Variants in ACSL1 observed in about 807,000 individuals in gnomAD.
ACSL1 encodes long-chain-fatty-acid--CoA ligase 1.
ACSL1 carries 41 observed loss-of-function variants against 98.4 expected under a neutral mutation model. The ratio of observed to expected loss-of-function variants is 0.42; its 90% CI spans 0.32 to 0.54. ACSL1 has a LOEUF of 0.54. Among genes scored for constraint, ACSL1 ranks in the 20% least tolerant of loss-of-function variants. ACSL1 has a pLI of 0.13. For missense variants in ACSL1, 734 were observed against 883.1 expected (o/e 0.83, Z 2.14); for synonymous variants, 316 against 322.7 (o/e 0.98, Z 0.22).
chr4:184,772,127 C>A (rs1764603931), intron 10 of ACSL1, among the ~76,000 whole-genome samples: 2 of 152,162 alleles, frequency 1.3e-5, no homozygotes, highest in Non-Finnish European at 2.9e-5. Flanking sequence ...CTCAATGAGC[C>A]ACCAATGCAT....
intron 3 of ACSL1, among the ~76,000 whole-genome samples, chr4:184,785,836 T>C (rs1203870638): frequency 6.6e-6 from 1 of 152,236 alleles, no homozygotes; most frequent in African/African-American, 2.4e-5. Flanking sequence ...GATGAATGTA[T>C]ATACATTTAC....
At chr4:184,821,601 G>A (rs1773075943) in intron 1 of ACSL1, among the ~76,000 whole-genome samples, 1 of 152,124 alleles carries the variant, frequency 6.6e-6, no homozygotes, top group South Asian at 2.1e-4. Flanking sequence ...TCAAATTATT[G>A]TTAATTTCAA....
intron 5 of ACSL1, among the ~76,000 whole-genome samples, chr4:184,778,336 C>T (rs980405348): frequency 3.9e-5 from 6 of 152,318 alleles, no homozygotes; most frequent in East Asian, 1.9e-4. Context: ...TTCTGAGTTT[C>T]GGTTTTTTCC....
chr4:184,760,322 T>C, intron 18 of ACSL1, 35 bp downstream of exon 18: 1 of 1,611,632 alleles, frequency 6.2e-7, no homozygotes, highest in Non-Finnish European at 8.5e-7. Flanking sequence ...TGGCAATGTG[T>C]ATGCAGCAAG....
intron 7 of ACSL1, among the ~76,000 whole-genome samples, chr4:184,774,957 T>A (rs1345821509): frequency 6.6e-6 from 1 of 152,238 alleles, no homozygotes; most frequent in Non-Finnish European, 1.5e-5. Context: ...TATTTGTCTA[T>A]TAAAAATTCT....
At chr4:184,765,759 G>A (rs1018028587) in intron 14 of ACSL1, 132 bp downstream of exon 14, 17 of 683,066 alleles carry the variant, frequency 2.5e-5, no homozygotes, top group Middle Eastern at 2.5e-4. Flanking sequence ...ATGTTGTTAC[G>A]CCATAAATAT....
At position 184,764,876 on chromosome 4, in the gene ACSL1, G is replaced by T; in HGVS notation, c.1409C>A (p.Thr470Asn). The T allele has an allele frequency of 6.2e-7, 1 of 1,614,000 alleles. No individual in the cohort carries two copies. The highest frequency in any genetic ancestry group is 8.5e-7 in the Non-Finnish European group (1 of 1,179,946). ...QTECTAGCCL[T>N]MPGDWTAGHV... is the part of the protein sequence containing the mutation. ...ACCTGCGGTCCAGTCTCCAGGCATG[G>T]TCAGGCAGCACCCGGCAGTGCACTC... The change falls in exon 15 of 21, where the codon ACC becomes AAC. Residue 470 changes from threonine (T) to asparagine (N), a missense_variant. By Grantham distance (65) the Thr-to-Asn change is moderately conservative. Coordinates refer to ENST00000281455, the MANE Select transcript of ACSL1 (RefSeq NM_001995.5).
intron 1 of ACSL1, among the ~76,000 whole-genome samples, chr4:184,812,994 T>A (rs1275152879): frequency 2.0e-5 from 3 of 152,092 alleles, no homozygotes; most frequent in Non-Finnish European, 4.4e-5. Context: ...ATGTACGGAA[T>A]GCTGACAACA....
chr4:184,771,331 C>A (rs1251263882), intron 10 of ACSL1, among the ~76,000 whole-genome samples: 5 of 151,928 alleles, frequency 3.3e-5, no homozygotes, highest in Non-Finnish European at 7.4e-5. Flanking sequence ...AAATACAGGA[C>A]CCATTTCAAC....
At chr4:184,814,775 G>C (rs1338718573) in intron 1 of ACSL1, among the ~76,000 whole-genome samples, 1 of 152,104 alleles carries the variant, frequency 6.6e-6, no homozygotes, top group Non-Finnish European at 1.5e-5. Flanking sequence ...TGACAGATAG[G>C]ATATAAACCC....
At position 184,788,325 on chromosome 4, in the gene ACSL1, T is replaced by C. The variant is rs2150377840; in HGVS notation, c.310+292A>G. On this transcript the variant is annotated intron_variant, in intron 3 of 20. Transcript: ENST00000281455. Reference sequence around the variant, plus strand: ...GATTGGGCCCAGTTCAACAGACCTCTTTATTGCAGGAAACGTCAGAGCCTA... The same window carrying C: ...GATTGGGCCCAGTTCAACAGACCTCCTTATTGCAGGAAACGTCAGAGCCTA... 6.1e-6 allele frequency: 3 copies of C among 491,386 alleles called. 1 individual carries two copies. Among genetic ancestry groups the C allele is most frequent in the South Asian group, 5.0e-5 (3 of 60,200 alleles). The allele number at this position is 491,386 out of a possible 1,614,324, so 30.4% of individuals were successfully genotyped here.
chr4:184,822,208 G>T (rs1773116004), intron 1 of ACSL1, among the ~76,000 whole-genome samples: 1 of 151,726 alleles, frequency 6.6e-6, no homozygotes, highest in East Asian at 1.9e-4. Flanking sequence ...TGCCCAGGCT[G>T]GTCTTGAACT....
intron 16 of ACSL1, 122 bp downstream of exon 16, chr4:184,763,045 G>T: frequency 1.0e-6 from 1 of 981,234 alleles, no homozygotes; most frequent in Non-Finnish European, 1.5e-6. Context: ...CAGACTCCAG[G>T]ATCACCAATG....
Position 184,766,548 on chromosome 4 carries a change from A to C in ACSL1, c.1263+74T>G. On this transcript the variant is annotated intron_variant, in intron 13 of 20. Coordinates refer to ENST00000281455, the MANE Select transcript of ACSL1 (RefSeq NM_001995.5). The surrounding 1 kb of genome is among the most constrained non-coding windows in gnomAD (Gnocchi z 4.8). ...CCTTACCTTCATCTCTCCCTCTCACAAAAAAGGCCCTCCCAGAACTCTGAA... is the reference window on the plus strand; with the variant it reads ...CCTTACCTTCATCTCTCCCTCTCACCAAAAAGGCCCTCCCAGAACTCTGAA... 5.8e-6 allele frequency: 9 copies of C among 1,538,498 alleles called. No individual in the cohort carries two copies. Among genetic ancestry groups the C allele is most frequent in the Non-Finnish European group, 7.9e-6 (9 of 1,135,152 alleles).
rs775160548 is a variant in ACSL1, at chr4:184,776,911, C to T, written c.550G>A (p.Glu184Lys). ...TTGTTGACTATGTACGTGATGGCTT[C>T]ATTTCCAAGGGTATCATAAAGTGGA... ...IVPLYDTLGN[E>K]AITYIVNKAE... Residue 184 changes from glutamate to lysine, a missense_variant, in exon 6 of 21, where the codon GAA (glutamate) becomes AAA (lysine). Transcript: ENST00000281455. The T allele has an allele frequency of 1.9e-6, 3 of 1,614,202 alleles. No individual in the cohort carries two copies. Among genetic ancestry groups the T allele is most frequent in the Middle Eastern group, 1.6e-4 (1 of 6,062 alleles).
intron 1 of ACSL1, among the ~76,000 whole-genome samples, chr4:184,815,903 C>T (rs1579968341): frequency 6.6e-6 from 1 of 152,144 alleles, no homozygotes; most frequent in East Asian, 1.9e-4. Context: ...GGTGGATCAT[C>T]TGAGGCCAGG....
chr4:184,821,027 C>G, intron 1 of ACSL1: 1 of 456,250 alleles, frequency 2.2e-6, no homozygotes, highest in Admixed American at 2.3e-5. Context: ...GCACCTGTTC[C>G]TTTATCTTGT....
intron 10 of ACSL1, 57 bp from the exon 11 acceptor site, chr4:184,770,533 A>G: frequency 9.3e-7 from 1 of 1,072,622 alleles, no homozygotes; most frequent in Non-Finnish European, 1.3e-6. Context: ...GTGAAGGGGA[A>G]CATCGCACAC....
Position 184,803,318 on chromosome 4 carries a change from A to G in ACSL1, c.195+2T>C, listed in dbSNP as rs201598489. 4 of 1,568,202 alleles carry G rather than the reference A, an allele frequency of 2.6e-6. No individual in the cohort carries two copies. The highest frequency in any genetic ancestry group is 3.7e-5 in the Admixed American group (2 of 54,192). Reference sequence around the variant, plus strand: ...ACGAGGCAGGCTGGGCCCTCCACTCACCGCCACTTCCACTGACTGCATGGA... The same window carrying G: ...ACGAGGCAGGCTGGGCCCTCCACTCGCCGCCACTTCCACTGACTGCATGGA... On this transcript the variant is annotated splice_donor_variant, in intron 2 of 20. Coordinates refer to ENST00000281455, the MANE Select transcript of ACSL1 (RefSeq NM_001995.5). LOFTEE classifies it high-confidence loss of function. This position sits in a 1 kb window ranked among gnomAD's most constrained non-coding sequence, Gnocchi z 4.8.
Sources: gnomAD v4.1 joint callset for allele counts (sites outside exome capture counted in the v4.1 genomes callset) on GRCh38, gnomAD v4.1.1 for gene constraint, Gnocchi (gnomAD v3.1) non-coding constraint, MANE v1.5 for transcripts, NCBI Gene and HGNC (gene_info 2026-07-23, HGNC 2026-07-21) for gene names.